Variants in GNPTAB observed in about 807,000 individuals in gnomAD.
GNPTAB encodes the protein N-acetylglucosamine-1-phosphate transferase subunits alpha and beta, also known as N-acetylglucosamine-1-phosphotransferase subunits alpha/beta.
A neutral mutation model predicts 136.6 loss-of-function variants in GNPTAB; 92 were observed. That is an observed-to-expected ratio of 0.67 (90% CI 0.57 to 0.80). GNPTAB has a LOEUF of 0.80. Among genes scored for constraint, GNPTAB ranks in the 30% least tolerant of loss-of-function variants. The probability of loss-of-function intolerance (pLI) is 0.00; values close to 1 mark genes in which losing one functional copy is unlikely to be tolerated. For synonymous variants in GNPTAB, 512 were observed against 535.1 expected (o/e 0.96, Z 0.60); for missense variants, 1,343 against 1,501.8 (o/e 0.89, Z 1.75).
intron 1 of GNPTAB, among the ~76,000 whole-genome samples, chr12:101,799,636 G>A (rs190344615): frequency 1.9e-4 from 29 of 152,316 alleles, no homozygotes; most frequent in Admixed American, 1.6e-3. Flanking sequence ...CAGTGTTTTG[G>A]TTGTACAACA....
At chr12:101,827,199 G>A (rs963390249) in intron 1 of GNPTAB, among the ~76,000 whole-genome samples, 2 of 151,704 alleles carry the variant, frequency 1.3e-5, no homozygotes, top group Non-Finnish European at 1.5e-5. Flanking sequence ...GTGCAATCAC[G>A]GCTCATGCAG....
intron 7 of GNPTAB, among the ~76,000 whole-genome samples, chr12:101,772,125 CG>C (rs112320927): frequency 1.3e-5 from 2 of 152,324 alleles, no homozygotes; most frequent in African/African-American, 2.4e-5. Context: ...GCCACCCCTA[CG>C]AAAGTCCACA....
chr12:101,803,476 G>C (rs182515385), intron 1 of GNPTAB, among the ~76,000 whole-genome samples: 1 of 152,300 alleles, frequency 6.6e-6, no homozygotes, highest in South Asian at 2.1e-4. Context: ...AAAATTAGGA[G>C]TTCAATGGTT....
chr12:101,746,041 A>G lies in GNPTAB; in HGVS notation c.*1123T>C, dbSNP rs560081746. 2.0e-5 allele frequency: 3 copies of G among 152,456 alleles called. No individual in the cohort carries two copies. Among genetic ancestry groups the G allele is most frequent in the Non-Finnish European group, 4.4e-5 (3 of 68,188 alleles). 9.4% of individuals were successfully genotyped at this position (152,456 alleles called of 1,614,324 possible). A position where few individuals can be genotyped will look rare whatever the true frequency, so the allele number is the denominator to read the frequency against. ...AGAGAGACTCTGTCTCAAAAACAAC[A>G]ACAACAACAACAACAAAAACTAATT... On this transcript the variant is annotated 3_prime_UTR_variant, in exon 21 of 21. Coordinates refer to ENST00000299314, the MANE Select transcript of GNPTAB (RefSeq NM_024312.5).
chr12:101,794,055 C>T lies in GNPTAB; in HGVS notation c.203+2622G>A, dbSNP rs181560945. Reference sequence around the variant, plus strand: ...ACGGGGTTTCACTATGTTGGCCAGGCTGGTCTTGAACTCCTGACCTCATGT... The same window carrying T: ...ACGGGGTTTCACTATGTTGGCCAGGTTGGTCTTGAACTCCTGACCTCATGT... On this transcript the variant is annotated intron_variant, in intron 2 of 20. Transcript: ENST00000299314. Among the ~76,000 whole-genome samples, 28 of 152,248 alleles carry T rather than the reference C, an allele frequency of 1.8e-4. No homozygotes were observed. In the East Asian group the frequency reaches 4.6e-3, roughly 25 times the overall value.
rs1014928194 is a variant in GNPTAB at position 101,753,623 on chromosome 12, T to C, written c.3435-84A>G. 6 of 1,107,184 alleles carry C rather than the reference T, an allele frequency of 5.4e-6. No homozygotes were observed. The African/African-American group carries it at 9.2e-5, about 17-fold the overall frequency. 68.6% of individuals were successfully genotyped at this position (1,107,184 alleles called of 1,614,324 possible). A position where few individuals can be genotyped will look rare whatever the true frequency, so the allele number is the denominator to read the frequency against. Reference sequence around the variant, plus strand: ...ACAAGGATGTGGATTCCAAATATATTTTAAATGGACTTATGTCCCAAGTTG... The same window carrying C: ...ACAAGGATGTGGATTCCAAATATATCTTAAATGGACTTATGTCCCAAGTTG... On this transcript the variant is annotated intron_variant, in intron 18 of 20. Coordinates refer to ENST00000299314, the MANE Select transcript of GNPTAB (RefSeq NM_024312.5).
chr12:101,755,787 C>A (rs1267885093), intron 18 of GNPTAB, among the ~76,000 whole-genome samples: 1 of 152,188 alleles, frequency 6.6e-6, no homozygotes, highest in Admixed American at 6.5e-5. Context: ...TGTTCAGGTA[C>A]ACAAGAGGCA....
At chr12:101,824,426 A>T (rs866108760) in intron 1 of GNPTAB, among the ~76,000 whole-genome samples, 29 of 83,872 alleles carry the variant, frequency 3.5e-4, no homozygotes, top group African/African-American at 1.1e-3. Context: ...ATATATATAT[A>T]TATATATTTT....
At chr12:101,778,995 A>G (rs1953299205) in intron 7 of GNPTAB, 1 of 152,176 alleles carries the variant, frequency 6.6e-6, no homozygotes, top group Non-Finnish European at 1.5e-5. Context: ...GGATAATACA[A>G]TGTATCATAA....
intron 16 of GNPTAB, 44 bp downstream of exon 16, chr12:101,759,986 G>T: frequency 9.3e-7 from 1 of 1,074,238 alleles, no homozygotes; most frequent in Non-Finnish European, 1.5e-6. Flanking sequence ...CACTTGATAA[G>T]GATGTACTTT....
intron 1 of GNPTAB, among the ~76,000 whole-genome samples, chr12:101,820,199 A>AT (rs1178235751): frequency 1.3e-5 from 2 of 152,246 alleles, no homozygotes; most frequent in Non-Finnish European, 2.9e-5. Flanking sequence ...ACAAAAATAA[A>AT]TTTTGATGCT....
intron 19 of GNPTAB, 30 bp downstream of exon 19, chr12:101,753,342 C>T: frequency 1.3e-5 from 20 of 1,534,938 alleles, no homozygotes; most frequent in Non-Finnish European, 1.6e-5. Flanking sequence ...CTCACCCACA[C>T]ACATGCATAT....
At position 101,745,944 on chromosome 12, in the gene GNPTAB, A is replaced by C. The variant is rs1952727180; in HGVS notation, c.*1220T>G. 2 of 152,372 alleles carry C rather than the reference A, an allele frequency of 1.3e-5. No homozygotes were observed. The highest frequency in any genetic ancestry group is 1.3e-4 in the Admixed American group (2 of 15,286). 9.4% of individuals were successfully genotyped at this position (152,372 alleles called of 1,614,324 possible). On this transcript the variant is annotated 3_prime_UTR_variant, in exon 21 of 21. Transcript: ENST00000299314. ...CAGCTACTCAGAAGGCTGAGACAGA[A>C]CTGCTTGAACCCGGGAGGCGGAGGT...
At chr12:101,772,433 G>T (rs1049144753) in intron 7 of GNPTAB, among the ~76,000 whole-genome samples, 1 of 145,856 alleles carries the variant, frequency 6.9e-6, no homozygotes, top group African/African-American at 2.6e-5. Flanking sequence ...CCAGAGGTGA[G>T]AGTTAGAAAT....
rs149859473 is a variant in GNPTAB at position 101,753,459 on chromosome 12, T to A, written c.3515A>T (p.Tyr1172Phe). The A allele has an allele frequency of 2.9e-5, 46 of 1,613,718 alleles. No individual in the cohort carries two copies. In the Admixed American group the frequency reaches 6.0e-4, roughly 21 times the overall value. ...GGAAGGTATGGGGAACATGGATTCA[T>A]AGAAGTCCCTGAGAACAGCCTTCAC... ...QTVKAVLRDF[Y>F]ESMFPIPSQF... Residue 1172 changes from tyrosine to phenylalanine, a missense_variant, in exon 19 of 21, where the codon TAT becomes TTT. Transcript: ENST00000299314.
chr12:101,777,097 T>G (rs1953272004), intron 7 of GNPTAB, among the ~76,000 whole-genome samples: 1 of 152,204 alleles, frequency 6.6e-6, no homozygotes. Flanking sequence ...ACCAGAAAGG[T>G]CCACCTCCCC....
At chr12:101,748,646 G>A (rs147616121) in intron 20 of GNPTAB, among the ~76,000 whole-genome samples, 2 of 152,124 alleles carry the variant, frequency 1.3e-5, no homozygotes, top group African/African-American at 2.4e-5. Context: ...AACTCCTAGC[G>A]ATTGAAAGAA....
At position 101,766,226 on chromosome 12, in the gene GNPTAB, A is replaced by G; in HGVS notation, c.1477T>C (p.Trp493Arg). 1 of 1,614,114 alleles carries G rather than the reference A, an allele frequency of 6.2e-7. No individual in the cohort carries two copies. The highest frequency in any genetic ancestry group is 1.1e-5 in the South Asian group (1 of 91,086). ...CTGTTTATTCCTCCACCAAACTGCC[A>G]GGGCTGTCCAACTCCAATACTCCCA... Reference protein sequence around the residue: ...GTGSIGVGQPWQFGGGINSVS... With the variant: ...GTGSIGVGQPRQFGGGINSVS... The change falls in exon 12 of 21, where the codon TGG becomes CGG. Residue 493 changes from tryptophan to arginine, a missense_variant. Coordinates refer to ENST00000299314, the MANE Select transcript of GNPTAB (RefSeq NM_024312.5).
intron 20 of GNPTAB, among the ~76,000 whole-genome samples, 167 bp from the exon 21 acceptor site, chr12:101,747,408 T>C (rs780940599): frequency 6.6e-6 from 1 of 151,986 alleles, no homozygotes; most frequent in East Asian, 1.9e-4. Flanking sequence ...CAAAAACAAA[T>C]ATTAGTTTTG....
Sources: gnomAD v4.1 joint callset for allele counts (sites outside exome capture counted in the v4.1 genomes callset) on GRCh38, gnomAD v4.1.1 for gene constraint, MANE v1.5 for transcripts, NCBI Gene and HGNC (gene_info 2026-07-23, HGNC 2026-07-21) for gene names.